The following RHBDD1 variants were observed in gnomAD, a reference collection of about 807,000 sequenced individuals.
RHBDD1 encodes the protein rhomboid-related protein 4.
In RHBDD1, 38 loss-of-function variants were observed where a neutral mutation model predicts 36.3. The ratio of observed to expected loss-of-function variants is 1.05; its 90% CI spans 0.81 to 1.37. The LOEUF is 1.37. Ranked by LOEUF, RHBDD1 falls within the 40% of genes most tolerant of loss-of-function variation. The pLI is 0.00. For missense variants in RHBDD1, 393 were observed against 377.6 expected (o/e 1.04, Z -0.34); for synonymous variants, 151 against 136.5 (o/e 1.11, Z -0.74).
chr2:226,952,056 G>A (rs921058191), intron 8 of RHBDD1, among the ~76,000 whole-genome samples: 4 of 152,156 alleles, frequency 2.6e-5, no homozygotes, highest in Non-Finnish European at 5.9e-5. Flanking sequence ...AGAATCTGTA[G>A]CTAGTGGAGT....
In RHBDD1 at chr2:226,952,714, C is replaced by T. The variant is rs117404041; in HGVS notation, c.856+38363C>T. Among the ~76,000 whole-genome samples, 195 of 152,290 alleles carry T rather than the reference C, an allele frequency of 1.3e-3. 4 individuals are homozygous for T. In the East Asian group the frequency reaches 0.035, roughly 28 times the overall value. Reference sequence around the variant, plus strand: ...ATTGTGCCAGGTATGAGGAAGATAGCTTCTTCCCCTCCCCAATGCCCACCT... The same window carrying T: ...ATTGTGCCAGGTATGAGGAAGATAGTTTCTTCCCCTCCCCAATGCCCACCT... On this transcript the variant is annotated intron_variant, in intron 8 of 8. Transcript: ENST00000392062.
chr2:226,858,860 A>C (rs1390379511), intron 3 of RHBDD1, among the ~76,000 whole-genome samples: 1 of 152,186 alleles, frequency 6.6e-6, no homozygotes, highest in Non-Finnish European at 1.5e-5. Context: ...TTGATATAGT[A>C]CTGTCTAGTC....
intron 3 of RHBDD1, among the ~76,000 whole-genome samples, chr2:226,848,716 G>T (rs771807309): frequency 1.3e-5 from 2 of 152,178 alleles, no homozygotes; most frequent in Non-Finnish European, 2.9e-5. Context: ...GGGACTCTGA[G>T]TGTAGACTAG....
chr2:226,963,515 T>C (rs1190101672), intron 8 of RHBDD1, among the ~76,000 whole-genome samples: 1 of 152,204 alleles, frequency 6.6e-6, no homozygotes, highest in African/African-American at 2.4e-5. Context: ...GACCCCAGTG[T>C]TCTGAGTAAT....
chr2:226,860,328 C>T (rs944071211), intron 3 of RHBDD1, among the ~76,000 whole-genome samples: 5 of 152,118 alleles, frequency 3.3e-5, no homozygotes, highest in African/African-American at 1.2e-4. Context: ...TAGAATAATA[C>T]ATAAACCATT....
At chr2:226,915,200 A>G (rs530506334) in intron 8 of RHBDD1, among the ~76,000 whole-genome samples, 1 of 152,142 alleles carries the variant, frequency 6.6e-6, no homozygotes, top group Non-Finnish European at 1.5e-5. Flanking sequence ...GAGCTTTTTC[A>G]TACCTAGAAC....
At position 226,864,701 on chromosome 2, in the gene RHBDD1, G is replaced by C; in HGVS notation, c.8G>C (p.Arg3Pro). The change falls in exon 4 of 9, where the codon CGG (arginine) becomes CCG (proline). Residue 3 changes from arginine to proline, a missense_variant. Coordinates refer to ENST00000392062, the MANE Select transcript of RHBDD1 (RefSeq NM_001167608.3). The stretch of plus-strand genomic sequence containing the variant: ...TTTCCCTGATATCTGGCCATGCAAC[G>C]GAGATCAAGAGGGATAAATACTGGA... MQRRSRGINTGLI... is the reference protein window; with the variant it reads MQPRSRGINTGLI... 2 of 1,613,084 alleles carry C rather than the reference G, an allele frequency of 1.2e-6. No homozygotes were observed. The highest frequency in any genetic ancestry group is 1.7e-6 in the Non-Finnish European group (2 of 1,179,384).
At chr2:226,831,141 G>A (rs1315560702), upstream of RHBDD1, among the ~76,000 whole-genome samples, 2 of 152,212 alleles carry the variant, frequency 1.3e-5, no homozygotes, top group Admixed American at 1.3e-4. Flanking sequence ...TCCTCACAGA[G>A]TAAGTGGAGA....
chr2:226,808,695 A>C, the RHBDD1 span: 4 of 152,180 alleles, frequency 2.6e-5, no homozygotes, highest in Non-Finnish European at 5.9e-5. Context: ...GAGCTTCTAG[A>C]GAGGAGGTGT....
chr2:226,835,583 C>T (rs922963208), upstream of RHBDD1: 3 of 152,268 alleles, frequency 2.0e-5, no homozygotes, highest in African/African-American at 7.2e-5. Context: ...TTCCAGGCAG[C>T]AGCTCCCCAG....
intron 8 of RHBDD1, among the ~76,000 whole-genome samples, chr2:226,955,634 T>G (rs1451468952): frequency 6.6e-6 from 1 of 152,212 alleles, no homozygotes; most frequent in Non-Finnish European, 1.5e-5. Context: ...CTCACTATTC[T>G]GGAGGTTAGA....
chr2:226,825,463 CATA>C, the RHBDD1 span, among the ~76,000 whole-genome samples: 4 of 152,102 alleles, frequency 2.6e-5, no homozygotes, highest in African/African-American at 7.2e-5. Context: ...AGAAAATACT[CATA>C]ATGAGTTAAA....
intron 8 of RHBDD1, among the ~76,000 whole-genome samples, chr2:226,994,035 G>A (rs996188932): frequency 5.3e-5 from 8 of 152,094 alleles, no homozygotes; most frequent in African/African-American, 1.7e-4. Context: ...TTTGGGTTCT[G>A]CAAATGGGTC....
chr2:226,826,649 T>C, the RHBDD1 span, among the ~76,000 whole-genome samples: 1 of 151,244 alleles, frequency 6.6e-6, no homozygotes, highest in African/African-American at 2.4e-5. Context: ...GCCTCCTAAG[T>C]AGCTAGGACT....
Position 226,838,123 on chromosome 2 carries a change from C to G in RHBDD1, c.-341C>G, listed in dbSNP as rs1941191742. ...ATATTCAGGATTTAAAGCAGCTGCTCTAAAGGCTACATTCACTGCAATGTT... is the reference window on the plus strand; with the variant it reads ...ATATTCAGGATTTAAAGCAGCTGCTGTAAAGGCTACATTCACTGCAATGTT... On this transcript the variant is annotated 5_prime_UTR_variant, in exon 2 of 9. Coordinates refer to ENST00000392062, the MANE Select transcript of RHBDD1 (RefSeq NM_001167608.3). 1 of 152,154 alleles carries G rather than the reference C, an allele frequency of 6.6e-6. No homozygotes were observed. The highest frequency in any genetic ancestry group is 1.5e-5 in the Non-Finnish European group (1 of 68,038). 9.4% of individuals were successfully genotyped at this position (152,154 alleles called of 1,614,324 possible).
the RHBDD1 span, among the ~76,000 whole-genome samples, chr2:226,801,488 C>A: frequency 6.6e-6 from 1 of 152,150 alleles, no homozygotes; most frequent in African/African-American, 2.4e-5. Flanking sequence ...GGGCTCCTCC[C>A]CACCCAAGCC....
upstream of RHBDD1, among the ~76,000 whole-genome samples, chr2:226,831,006 T>C (rs763859626): frequency 2.6e-5 from 4 of 152,244 alleles, no homozygotes; most frequent in African/African-American, 4.8e-5. Flanking sequence ...TCATGGTATA[T>C]GATCTATCCT....
the RHBDD1 span, among the ~76,000 whole-genome samples, chr2:226,818,633 G>C: frequency 6.6e-6 from 1 of 151,582 alleles, no homozygotes; most frequent in Non-Finnish European, 1.5e-5. Flanking sequence ...AAGGTCAGGC[G>C]TTTGAAACCA....
At chr2:226,827,578 G>A in the RHBDD1 span, among the ~76,000 whole-genome samples, 1 of 152,138 alleles carries the variant, frequency 6.6e-6, no homozygotes, top group Non-Finnish European at 1.5e-5. Flanking sequence ...ATTTAACTCA[G>A]TAAGTCCAGT....
Sources: allele counts gnomAD v4.1 joint callset (sites outside exome capture counted in the v4.1 genomes callset), GRCh38; gene constraint gnomAD v4.1.1; transcripts MANE v1.5; gene names NCBI Gene and HGNC (gene_info 2026-07-23, HGNC 2026-07-21).